DPYS: variants seen among roughly 807,000 people sequenced by gnomAD.
DPYS encodes the protein dihydropyrimidinase, also known as dihydropyrimidine amidohydrolase.
DPYS carries 39 observed loss-of-function variants against 50.3 expected under a neutral mutation model. That is an observed-to-expected ratio of 0.78 (90% CI 0.60 to 1.01). The LOEUF is 1.01. Among genes scored for constraint, DPYS ranks in the 50% least tolerant of loss-of-function variants. DPYS has a pLI of 0.00. For missense variants in DPYS, 659 were observed against 680.9 expected, an observed-to-expected ratio of 0.97 and a Z score of 0.36; for synonymous variants, 245 against 250.7, an observed-to-expected ratio of 0.98 and a Z score of 0.22.
rs1384112157 is a variant in DPYS at position 104,466,709 on chromosome 8, T to C, written c.212A>G (p.Gln71Arg). 1.3e-6 allele frequency: 2 copies of C among 1,533,798 alleles called. No individual in the cohort carries two copies. The highest frequency in any genetic ancestry group is 1.2e-5 in the South Asian group (1 of 83,186). ...GGACCGCGAGCCCATGAAGGGGAAC[T>C]GCATGTGCGTGTGTGTGTCGATGCC... is the stretch of plus-strand genomic sequence containing the variant. ...PGGIDTHTHM[Q>R]FPFMGSRSID... The change falls in exon 1 of 10, where the codon CAG (glutamine) becomes CGG (arginine). Residue 71 changes from glutamine to arginine, a missense_variant. Transcript: ENST00000351513.
intron 7 of DPYS, chr8:104,420,711 A>C (rs1165185890): frequency 4.6e-5 from 7 of 151,546 alleles, no homozygotes; most frequent in South Asian, 2.1e-4. Context: ...AAAAAAAAAA[A>C]AAAAAACGAT....
At chr8:104,441,628 G>T (rs1266156429) in intron 4 of DPYS, among the ~76,000 whole-genome samples, 1 of 152,294 alleles carries the variant, frequency 6.6e-6, no homozygotes, top group East Asian at 1.9e-4. Flanking sequence ...GTAATTGGAG[G>T]GGCCTGGCAA....
chr8:104,389,387 T>C (rs1244919661), intron 8 of DPYS, among the ~76,000 whole-genome samples: 1 of 152,234 alleles, frequency 6.6e-6, no homozygotes, highest in Non-Finnish European at 1.5e-5. Flanking sequence ...TCCTGTAAGT[T>C]GTCTTTGCCT....
At chr8:104,399,015 G>T (rs1427473709) in intron 7 of DPYS, among the ~76,000 whole-genome samples, 2 of 152,144 alleles carry the variant, frequency 1.3e-5, no homozygotes, top group African/African-American at 4.8e-5. Flanking sequence ...AACAGGCCAG[G>T]CATGGTGGCT....
At chr8:104,402,073 T>A (rs2140546698) in intron 7 of DPYS, among the ~76,000 whole-genome samples, 1 of 152,324 alleles carries the variant, frequency 6.6e-6, no homozygotes, top group African/African-American at 2.4e-5. Context: ...TTCACTCTGC[T>A]ATTTTGTCCT....
chr8:104,452,891 A>T (rs1813799126), intron 1 of DPYS, among the ~76,000 whole-genome samples: 1 of 152,200 alleles, frequency 6.6e-6, no homozygotes, highest in South Asian at 2.1e-4. Flanking sequence ...AGTTTGATTC[A>T]TGGTAAGTGC....
rs1399432708 is a variant in DPYS, at chr8:104,429,664, A to T, written c.831T>A (p.Leu277=). The change falls in exon 5 of 10, where the codon CTT becomes CTA. Residue 277 remains leucine (L), a synonymous_variant. Coordinates refer to ENST00000351513, the MANE Select transcript of DPYS (RefSeq NM_001385.3). ...VVYGEPIAAS[L]GTDGTHYWNK... ...TCCAGTAGTGAGTGCCATCTGTGCC[A>T]AGACTGGCTGCTATGGGTTCACCAT... The T allele has an allele frequency of 1.2e-6, 2 of 1,614,068 alleles. No individual in the cohort carries two copies. Among genetic ancestry groups the T allele is most frequent in the African/African-American group, 2.7e-5 (2 of 74,940 alleles).
intron 4 of DPYS, among the ~76,000 whole-genome samples, chr8:104,437,734 G>GGACTCATGCTTT (rs1813199494): frequency 1.3e-5 from 2 of 152,112 alleles, no homozygotes; most frequent in Non-Finnish European, 2.9e-5. Context: ...TGCTTTCACT[G>GGACTCATGCTTT]TACTTTATGG....
At chr8:104,450,866 T>C (rs1813713446) in intron 2 of DPYS, among the ~76,000 whole-genome samples, 1 of 152,222 alleles carries the variant, frequency 6.6e-6, no homozygotes, top group Non-Finnish European at 1.5e-5. Flanking sequence ...ACATTTTTTA[T>C]TGAAGTTCTA....
At position 104,427,984 on chromosome 8, in the gene DPYS, C is replaced by A; in HGVS notation, c.1088G>T (p.Gly363Val). The A allele has an allele frequency of 6.2e-7, 1 of 1,614,156 alleles. No individual in the cohort carries two copies. The highest frequency in any genetic ancestry group is 8.5e-7 in the Non-Finnish European group (1 of 1,180,036). The change falls in exon 6 of 10, where the codon GGC (glycine) becomes GTC (valine). Residue 363 changes from glycine (G) to valine (V), a missense_variant. By Grantham distance (109) the Gly-to-Val change is moderately radical. Coordinates refer to ENST00000351513, the MANE Select transcript of DPYS (RefSeq NM_001385.3). Reference sequence around the variant, plus strand: ...GCTGGAACCTGTGAAACCCACCACGCCTTTTTCCCATATTACGGACATCCG... The same window carrying A: ...GCTGGAACCTGTGAAACCCACCACGACTTTTTCCCATATTACGGACATCCG... ...EDRMSVIWEK[G>V]VHSGKMDENR...
chr8:104,452,239 C>T (rs887628372), intron 1 of DPYS, among the ~76,000 whole-genome samples: 1 of 152,276 alleles, frequency 6.6e-6, no homozygotes, highest in Non-Finnish European at 1.5e-5. Flanking sequence ...AAATCACATG[C>T]CTTTGACTAA....
At chr8:104,464,001 GAACT>G (rs1372168955) in intron 1 of DPYS, among the ~76,000 whole-genome samples, 2 of 152,170 alleles carry the variant, frequency 1.3e-5, no homozygotes, top group Admixed American at 6.5e-5. Flanking sequence ...AACTGACTCT[GAACT>G]AGACTATTGC....
intron 1 of DPYS, among the ~76,000 whole-genome samples, chr8:104,453,771 C>A (rs1035297162): frequency 6.6e-6 from 1 of 152,078 alleles, no homozygotes; most frequent in East Asian, 1.9e-4. Context: ...TCCATGGTAG[C>A]CAAAAAGTAG....
intron 6 of DPYS, among the ~76,000 whole-genome samples, chr8:104,427,308 C>T (rs1239175171): frequency 2.0e-5 from 3 of 148,204 alleles, no homozygotes; most frequent in African/African-American, 5.0e-5. Context: ...GATGGAGTCT[C>T]ACTGTGTTGC....
At chr8:104,403,651 C>T (rs1262262032) in intron 7 of DPYS, among the ~76,000 whole-genome samples, 1 of 152,172 alleles carries the variant, frequency 6.6e-6, no homozygotes, top group African/African-American at 2.4e-5. Context: ...GACCTATTTT[C>T]CCTCCATCCC....
intron 8 of DPYS, among the ~76,000 whole-genome samples, chr8:104,382,908 C>A (rs952372843): frequency 2.0e-5 from 3 of 152,212 alleles, no homozygotes; most frequent in Admixed American, 1.3e-4. Flanking sequence ...GTGTGCTGTG[C>A]AGCCCTCCTC....
chr8:104,440,054 A>T (rs1282489712), intron 4 of DPYS, among the ~76,000 whole-genome samples: 1 of 152,210 alleles, frequency 6.6e-6, no homozygotes, highest in African/African-American at 2.4e-5. Context: ...ACAATTTTTT[A>T]AAAGACAATG....
chr8:104,397,604 C>T (rs1335719093), intron 7 of DPYS, among the ~76,000 whole-genome samples: 1 of 152,170 alleles, frequency 6.6e-6, no homozygotes, highest in African/African-American at 2.4e-5. Context: ...TTATAACTAT[C>T]ATTCTTAGTG....
In DPYS at chr8:104,381,258, C is replaced by T. The variant is rs1471893144; in HGVS notation, c.1500G>A (p.Leu500=). The change falls in exon 9 of 10, where the codon CTG becomes CTA. Residue 500 remains leucine (L), a synonymous_variant. Transcript: ENST00000351513. ...RAPYKGEVAT[L]KSRVTKEDAT... ...CATCTTCTTTTGTCACTCTGGATTTCAGTGTGGCGACTTCTCCCTTATAGG... is the reference window on the plus strand; with the variant it reads ...CATCTTCTTTTGTCACTCTGGATTTTAGTGTGGCGACTTCTCCCTTATAGG... 1.2e-6 allele frequency: 2 copies of T among 1,614,176 alleles called. No individual in the cohort carries two copies. Among genetic ancestry groups the T allele is most frequent in the Non-Finnish European group, 1.7e-6 (2 of 1,180,018 alleles).
Sources: allele counts gnomAD v4.1 joint callset (sites outside exome capture counted in the v4.1 genomes callset), GRCh38; gene constraint gnomAD v4.1.1; transcripts MANE v1.5; gene names NCBI Gene and HGNC (gene_info 2026-07-23, HGNC 2026-07-21).